Variants in ZDHHC11B observed in about 807,000 individuals in gnomAD.
The protein encoded by ZDHHC11B is zDHHC palmitoyltransferase 11B (putative).
In ZDHHC11B, 17 loss-of-function variants were observed where a neutral mutation model predicts 42.3. The observed-to-expected ratio is 0.40, with a 90% CI of 0.27 to 0.60. ZDHHC11B has a LOEUF of 0.60. ZDHHC11B is among the 20% of genes least tolerant of loss of function. ZDHHC11B has a pLI of 0.41. For missense variants in ZDHHC11B, 262 were observed against 463.2 expected (o/e 0.57, Z 3.99); for synonymous variants, 123 against 193.5 (o/e 0.64, Z 3.02).
chr5:754,614 C>CACCT (rs1746353664), intron 6 of ZDHHC11B, among the ~76,000 whole-genome samples: 1 of 124,202 alleles, frequency 8.1e-6, no homozygotes, highest in African/African-American at 2.7e-5. Flanking sequence ...AAACACCTCT[C>CACCT]GTCCATCTGC....
intron 12 of ZDHHC11B, among the ~76,000 whole-genome samples, chr5:719,507 G>A (rs1448691966): frequency 2.0e-5 from 3 of 151,310 alleles, no homozygotes; most frequent in African/African-American, 7.3e-5. Context: ...AAAAGAAACT[G>A]GAGCTGGAAA....
At chr5:760,067 G>C (rs1289854458) in intron 4 of ZDHHC11B, among the ~76,000 whole-genome samples, 4 of 151,810 alleles carry the variant, frequency 2.6e-5, no homozygotes, top group South Asian at 2.1e-4. Flanking sequence ...GTGTGGAGTG[G>C]GGGGTACAGG....
intron 12 of ZDHHC11B, among the ~76,000 whole-genome samples, chr5:721,135 G>A (rs1417796563): frequency 2.0e-5 from 3 of 151,420 alleles, no homozygotes; most frequent in African/African-American, 7.3e-5. Context: ...TTCAAACTAG[G>A]GTGTTATACA....
chr5:783,451 G>A (rs1297235342), intron 1 of ZDHHC11B, among the ~76,000 whole-genome samples: 2 of 152,200 alleles, frequency 1.3e-5, no homozygotes, highest in East Asian at 3.9e-4. Context: ...CTGGGCGTGG[G>A]GGGAGACCTC....
intron 1 of ZDHHC11B, among the ~76,000 whole-genome samples, chr5:775,922 G>A (rs1736437146): frequency 6.9e-6 from 1 of 145,948 alleles, no homozygotes; most frequent in Non-Finnish European, 1.5e-5. Flanking sequence ...GCTGGTGACA[G>A]GAGCTGTCCC....
chr5:749,554 G>A (rs1379952151), intron 7 of ZDHHC11B, among the ~76,000 whole-genome samples: 1 of 130,026 alleles, frequency 7.7e-6, no homozygotes, highest in Non-Finnish European at 1.7e-5. Context: ...ACATCACGAT[G>A]AGTTCAGCCC....
At chr5:767,282 G>A in intron 3 of ZDHHC11B, 110 bp downstream of exon 3, 1 of 1,276,334 alleles carries the variant, frequency 7.8e-7, no homozygotes. Context: ...CATCTGGACG[G>A]CTGCGGGATG....
At chr5:776,538 G>A (rs1361200659) in intron 1 of ZDHHC11B, among the ~76,000 whole-genome samples, 13 of 151,956 alleles carry the variant, frequency 8.6e-5, no homozygotes, top group African/African-American at 3.1e-4. Flanking sequence ...TGTGCTCCTG[G>A]CCTCAAACTG....
rs1741353091 is a variant in ZDHHC11B at position 711,330 on chromosome 5, C to G, written c.*960G>C. 1 of 152,906 alleles carries G rather than the reference C, an allele frequency of 6.5e-6. No homozygotes were observed. The highest frequency in any genetic ancestry group is 2.5e-5 in the African/African-American group (1 of 40,154). The allele number at this position is 152,906 out of a possible 1,614,324, so 9.5% of individuals were successfully genotyped here. ...TACTGTGGGCTCCCCTTTCCCAGTA[C>G]TGTGCTCCCATTTCCCAGTACTATG... On this transcript the variant is annotated 3_prime_UTR_variant, in exon 14 of 14. Transcript: ENST00000508859.
intron 4 of ZDHHC11B, among the ~76,000 whole-genome samples, chr5:757,563 C>G (rs140221818): frequency 2.0e-5 from 3 of 151,836 alleles, no homozygotes; most frequent in Non-Finnish European, 2.9e-5. Context: ...ATGAGGGTCC[C>G]GTAAGAAGCG....
chr5:730,926 A>G lies in ZDHHC11B; in HGVS notation c.1024-458T>C, dbSNP rs1328215822. Among the ~76,000 whole-genome samples, 20 of 151,926 alleles carry G rather than the reference A, an allele frequency of 1.3e-4. 1 individual carries two copies. Among genetic ancestry groups the G allele is most frequent in the Admixed American group, 1.2e-3 (19 of 15,250 alleles). On this transcript the variant is annotated intron_variant, in intron 11 of 13. Transcript: ENST00000508859. The stretch of plus-strand genomic sequence containing the variant: ...AGGCCTTGGGAGAAACCAACCCTGC[A>G]GACACTGTGCTCTGGGACTTCCAGC...
intron 12 of ZDHHC11B, among the ~76,000 whole-genome samples, chr5:721,352 G>A (rs577067248): frequency 6.6e-5 from 10 of 151,606 alleles, no homozygotes; most frequent in African/African-American, 2.2e-4. Flanking sequence ...TTTCTTATCA[G>A]TAATTACTTT....
At chr5:753,678 G>A (rs1746095823) in intron 6 of ZDHHC11B, among the ~76,000 whole-genome samples, 2 of 148,602 alleles carry the variant, frequency 1.3e-5, no homozygotes, top group Admixed American at 6.9e-5. Context: ...GAGGCGGGTG[G>A]GTCTCCCCGG....
At chr5:756,663 C>G (rs1270454476) in intron 4 of ZDHHC11B, among the ~76,000 whole-genome samples, 1 of 151,636 alleles carries the variant, frequency 6.6e-6, no homozygotes, top group African/African-American at 2.4e-5. Flanking sequence ...GTAAACACAG[C>G]CGGATACAGC....
intron 1 of ZDHHC11B, among the ~76,000 whole-genome samples, chr5:783,584 GACACTGAGAGGGAACGCA>G (rs1737016192): frequency 6.6e-6 from 1 of 152,204 alleles, no homozygotes; most frequent in Non-Finnish European, 1.5e-5. Flanking sequence ...GATCAGCGGT[GACACTGAGAGGGAACGCA>G]ACACCCCATC....
chr5:733,010 T>G (rs1743148541), intron 11 of ZDHHC11B, among the ~76,000 whole-genome samples: 1 of 151,732 alleles, frequency 6.6e-6, no homozygotes, highest in South Asian at 2.1e-4. Flanking sequence ...TGAGCCATTA[T>G]CCCACCACTG....
chr5:776,437 T>C (rs762852104), intron 1 of ZDHHC11B, among the ~76,000 whole-genome samples: 2 of 151,820 alleles, frequency 1.3e-5, no homozygotes, highest in African/African-American at 2.4e-5. Flanking sequence ...AGCACAGGAA[T>C]GGCACAGCCC....
chr5:773,776 C>CCCCAA (rs1736245065), intron 1 of ZDHHC11B, among the ~76,000 whole-genome samples: 1 of 151,790 alleles, frequency 6.6e-6, no homozygotes, highest in Admixed American at 6.6e-5. Context: ...CCCACTTGCG[C>CCCCAA]CCCAACCCCC....
chr5:770,808 G>A (rs1168900830), intron 1 of ZDHHC11B, among the ~76,000 whole-genome samples: 1 of 151,962 alleles, frequency 6.6e-6, no homozygotes, highest in Non-Finnish European at 1.5e-5. Flanking sequence ...CGGTGTCAGG[G>A]TGCAGGGATG....
Sources: gnomAD v4.1 joint callset for allele counts (sites outside exome capture counted in the v4.1 genomes callset) on GRCh38, gnomAD v4.1.1 for gene constraint, MANE v1.5 for transcripts, NCBI Gene and HGNC (gene_info 2026-07-23, HGNC 2026-07-21) for gene names.